The following TG variants were observed in gnomAD, a reference collection of about 807,000 sequenced individuals.
The protein encoded by TG is thyroglobulin, also known as thyroid hormones.
In TG, 270 loss-of-function variants were observed where a neutral mutation model predicts 324.7. That is an observed-to-expected ratio of 0.83 (90% CI 0.75 to 0.92). The LOEUF is 0.92. Among genes scored for constraint, TG ranks in the 40% least tolerant of loss-of-function variants. The probability of loss-of-function intolerance (pLI) is 0.00; values close to 1 mark genes in which losing one functional copy is unlikely to be tolerated. For synonymous variants in TG, 1,401 were observed against 1,327.0 expected, an observed-to-expected ratio of 1.06 and a Z score of -1.21; for missense variants, 3,591 against 3,456.4, an observed-to-expected ratio of 1.04 and a Z score of -0.98.
intron 41 of TG, among the ~76,000 whole-genome samples, chr8:133,084,726 GC>G (rs544830541): frequency 1.3e-5 from 2 of 152,336 alleles, no homozygotes; most frequent in South Asian, 4.1e-4. Flanking sequence ...CAGCAGAAGT[GC>G]CCGGGAGAGA....
chr8:132,952,638 A>G (rs547205597), intron 27 of TG, among the ~76,000 whole-genome samples: 2 of 152,356 alleles, frequency 1.3e-5, no homozygotes, highest in Non-Finnish European at 2.9e-5. Context: ...GCACAAATGA[A>G]TTGATTGCCA....
At chr8:132,908,565 A>G (rs1819029813) in intron 18 of TG, among the ~76,000 whole-genome samples, 1 of 151,944 alleles carries the variant, frequency 6.6e-6, no homozygotes, top group Non-Finnish European at 1.5e-5. Context: ...GCTGTTAGAA[A>G]CAATGTTAGT....
chr8:132,868,184 C>A lies in TG; in HGVS notation c.137C>A (p.Ala46Glu). ...AGGGAAACGGCCTTTCTGAAGCAAG[C>A]AGACTACGTGCCCCAGTGTGCAGAG... is the stretch of plus-strand genomic sequence containing the variant. ...LQRETAFLKQ[A>E]DYVPQCAEDG... is the part of the protein sequence containing the mutation. The change falls in exon 2 of 48, where the codon GCA becomes GAA. Residue 46 changes from alanine (A) to glutamate (E), a missense_variant. Transcript: ENST00000220616. 1 of 1,614,150 alleles carries A rather than the reference C, an allele frequency of 6.2e-7. No homozygotes were observed. The highest frequency in any genetic ancestry group is 8.5e-7 in the Non-Finnish European group (1 of 1,180,018).
intron 45 of TG, among the ~76,000 whole-genome samples, chr8:133,125,368 C>A (rs557874218): frequency 1.5e-4 from 23 of 152,266 alleles, no homozygotes; most frequent in African/African-American, 5.5e-4. Context: ...GACATTTGAG[C>A]TGAGAACCAA....
At chr8:132,939,446 A>G (rs549504779) in intron 25 of TG, among the ~76,000 whole-genome samples, 1 of 152,128 alleles carries the variant, frequency 6.6e-6, no homozygotes, top group African/African-American at 2.4e-5. Context: ...CAAGGGAGAG[A>G]GAGATGAATT....
Position 132,867,061 on chromosome 8 carries a change from A to G in TG, c.61A>G (p.Ile21Val), listed in dbSNP as rs574422251. 1 of 1,598,196 alleles carries G rather than the reference A, an allele frequency of 6.3e-7. No homozygotes were observed. Among genetic ancestry groups the G allele is most frequent in the East Asian group, 2.3e-5 (1 of 44,400 alleles). Residue 21 changes from isoleucine to valine, a missense_variant, in exon 1 of 48, where the codon ATC becomes GTC. Physicochemically the swap from Ile to Val is conservative, Grantham distance 29. Transcript: ENST00000220616. ...LASICWVSAN[I>V]FEYQVDAQPL... ...CTCCATCTGCTGGGTGTCGGCCAAT[A>G]TCTTCGGTAAGTTCTGAGGCCATGG...
Position 132,897,704 on chromosome 8 carries a change from C to T in TG, c.3057C>T (p.Ser1019=), listed in dbSNP as rs116032324. 1.5e-3 allele frequency: 2,478 copies of T among 1,614,214 alleles called. 12 individuals carry two copies. The highest frequency in any genetic ancestry group is 8.6e-3 in the Middle Eastern group (52 of 6,062). Residue 1019 remains serine (S), a synonymous_variant, in exon 12 of 48, where the codon TCC becomes TCT. Coordinates refer to ENST00000220616, the MANE Select transcript of TG (RefSeq NM_003235.5). ...RFSPDDSAGA[S]ALLRSGPYMP... ...CCCCGGACGACTCGGCTGGAGCATC[C>T]GCCCTTCTGCGGTCGGGCCCCTACA...
intron 35 of TG, among the ~76,000 whole-genome samples, chr8:132,988,220 T>C (rs1358694234): frequency 1.3e-5 from 2 of 152,092 alleles, no homozygotes; most frequent in African/African-American, 2.4e-5. Context: ...AGATTCACCA[T>C]AGACAGGCAG....
At chr8:133,083,903 CT>C (rs912309645) in intron 41 of TG, among the ~76,000 whole-genome samples, 6 of 152,170 alleles carry the variant, frequency 3.9e-5, no homozygotes, top group African/African-American at 1.4e-4. Context: ...AGTTTTCCCC[CT>C]GGCTCCCCTC....
chr8:133,105,653 T>G (rs1849738855), intron 43 of TG, among the ~76,000 whole-genome samples: 1 of 151,952 alleles, frequency 6.6e-6, no homozygotes, highest in Non-Finnish European at 1.5e-5. Flanking sequence ...TGGAGAGAGA[T>G]TTGGGAATCA....
rs893850126 is a variant in TG, at chr8:132,968,362, C to T, written c.5863+392C>T. Reference sequence around the variant, plus strand: ...ATTTGACAATAGAAAATAATCCTCTCCTAAGACAGCCACCTTTAATACATG... The same window carrying T: ...ATTTGACAATAGAAAATAATCCTCTTCTAAGACAGCCACCTTTAATACATG... On this transcript the variant is annotated intron_variant, in intron 31 of 47. Coordinates refer to ENST00000220616, the MANE Select transcript of TG (RefSeq NM_003235.5). 6.6e-5 allele frequency among the ~76,000 whole-genome samples: 10 copies of T among 152,314 alleles called. No homozygotes were observed. In the East Asian group the frequency reaches 1.9e-3, roughly 29 times the overall value.
rs370535189 is a variant in TG, at chr8:132,967,205, A to ACCAT, written c.5687-547_5687-544dup. Among the ~76,000 whole-genome samples, 885 of 101,250 alleles carry ACCAT rather than the reference A, an allele frequency of 8.7e-3. 4 individuals carry two copies. Among genetic ancestry groups the ACCAT allele is most frequent in the Non-Finnish European group, 9.7e-3 (461 of 47,574 alleles). The allele number at this position is 101,250 out of a possible 152,430, so 66.4% of individuals were successfully genotyped here. ...TGTATCCATGTATCCATCCCATCCA[A>ACCAT]CCATCCATCCATCCATCCATCCATC... On this transcript the variant is annotated intron_variant, in intron 30 of 47. Transcript: ENST00000220616.
intron 40 of TG, among the ~76,000 whole-genome samples, chr8:133,024,337 T>C (rs1835841234): frequency 8.7e-6 from 1 of 114,638 alleles, no homozygotes; most frequent in African/African-American, 3.9e-5. Flanking sequence ...TTTCTTTCTT[T>C]CTTTCTTTCT....
Position 132,873,046 on chromosome 8 carries a change from T to G in TG, c.479-16T>G. ...CTACTCATATATAAGGATTTTTTTT[T>G]CGTGAAAATGTTTAGGTCCAAGGAG... On this transcript the variant is annotated splice_polypyrimidine_tract_variant and intron_variant, in intron 4 of 47. Coordinates refer to ENST00000220616, the MANE Select transcript of TG (RefSeq NM_003235.5). 1 of 1,614,070 alleles carries G rather than the reference T, an allele frequency of 6.2e-7. No homozygotes were observed. Among genetic ancestry groups the G allele is most frequent in the Non-Finnish European group, 8.5e-7 (1 of 1,179,980 alleles).
intron 47 of TG, among the ~76,000 whole-genome samples, chr8:133,134,176 A>G (rs6471112): frequency 0.52 from 79,479 of 151,960 alleles, 22,290 homozygotes; most frequent in African/African-American, 0.71. Flanking sequence ...CTTTGGAATA[A>G]CGGGTGTGAG....
rs1013079944 is a variant in TG, at chr8:132,995,560, T to A, written c.6262+12148T>A. The A allele has an allele frequency of 3.1e-6, 3 of 983,186 alleles. No individual in the cohort carries two copies. The African/African-American group carries it at 5.2e-5, about 17-fold the overall frequency. 60.9% of individuals were successfully genotyped at this position (983,186 alleles called of 1,614,324 possible). On this transcript the variant is annotated intron_variant, in intron 35 of 47. Transcript: ENST00000220616. ...ATGCATTTGTGCCTCAGAATTTCTA[T>A]CGTTTTGCCCACGCACCCAGGATCA...
chr8:132,955,481 G>A (rs373149872), intron 27 of TG, among the ~76,000 whole-genome samples: 10 of 152,190 alleles, frequency 6.6e-5, no homozygotes, highest in African/African-American at 2.2e-4. Flanking sequence ...ATCAAGCCAC[G>A]GCTCTAGGGC....
chr8:133,101,163 T>C (rs1849195724), intron 43 of TG, among the ~76,000 whole-genome samples: 1 of 152,108 alleles, frequency 6.6e-6, no homozygotes, highest in African/African-American at 2.4e-5. Context: ...ATCACCACCT[T>C]ACCCCCACCA....
intron 26 of TG, among the ~76,000 whole-genome samples, chr8:132,947,550 G>T (rs1257522742): frequency 1.3e-5 from 2 of 152,140 alleles, no homozygotes; most frequent in African/African-American, 2.4e-5. Flanking sequence ...TTTGGAGATA[G>T]AATTGTTTTG....
Sources: allele counts gnomAD v4.1 joint callset (sites outside exome capture counted in the v4.1 genomes callset), GRCh38; gene constraint gnomAD v4.1.1; transcripts MANE v1.5; gene names NCBI Gene and HGNC (gene_info 2026-07-23, HGNC 2026-07-21).